SNAI1: variants seen among roughly 807,000 people sequenced by gnomAD.
SNAI1 encodes snail family transcriptional repressor 1.
In SNAI1, 15 loss-of-function variants were observed where a neutral mutation model predicts 24.7. The observed-to-expected ratio is 0.61, with a 90% CI of 0.41 to 0.93. SNAI1 has a LOEUF of 0.93. Ranked by LOEUF, SNAI1 falls within the 40% of genes least tolerant of loss-of-function variation. SNAI1 has a pLI of 0.00. For missense variants in SNAI1, 283 were observed against 336.7 expected (o/e 0.84, Z 1.25); for synonymous variants, 163 against 142.9 (o/e 1.14, Z -1.00).
Position 49,984,340 on chromosome 20 carries a change from G to A in SNAI1, c.599G>A (p.Arg200Gln). Reference sequence around the variant, plus strand: ...CCCTGGCTGCTACAAGGCCATGTCCGGACCCACACTGGTACGTGCCCCTCC... The same window carrying A: ...CCCTGGCTGCTACAAGGCCATGTCCAGACCCACACTGGTACGTGCCCCTCC... ...SRPWLLQGHV[R>Q]THTGEKPFSC... The change falls in exon 2 of 3, where the codon CGG becomes CAG. Residue 200 changes from arginine (R) to glutamine (Q), a missense_variant. Transcript: ENST00000244050. The A allele has an allele frequency of 6.2e-7, 1 of 1,602,948 alleles. No individual in the cohort carries two copies. Among genetic ancestry groups the A allele is most frequent in the Non-Finnish European group, 8.5e-7 (1 of 1,175,332 alleles).
At chr20:49,984,739 C>G (rs2078328695) in intron 2 of SNAI1, among the ~76,000 whole-genome samples, 1 of 152,262 alleles carries the variant, frequency 6.6e-6, no homozygotes, top group African/African-American at 2.4e-5. Context: ...CTGAATCCTT[C>G]TTTGAGAACT....
Position 49,983,685 on chromosome 20 carries a change from G to T in SNAI1, c.83-139G>T, listed in dbSNP as rs544452644. The T allele has an allele frequency of 1.1e-5, 9 of 824,284 alleles. No homozygotes were observed. The South Asian group carries it at 1.7e-4, about 15-fold the overall frequency. The allele number at this position is 824,284 out of a possible 1,614,324, so 51.1% of individuals were successfully genotyped here. On this transcript the variant is annotated intron_variant, in intron 1 of 2. Coordinates refer to ENST00000244050, the MANE Select transcript of SNAI1 (RefSeq NM_005985.4). ...CCTGGGCGAGGAGGGCAGGAACCTG[G>T]TCTGTCCTGTGGATAATTTTTTTGA...
In SNAI1 at chr20:49,983,067, G is replaced by A; in HGVS notation, c.8G>A (p.Arg3His). Residue 3 changes from arginine to histidine, a missense_variant, in exon 1 of 3, where the codon CGC becomes CAC. Physicochemically the swap from Arg to His is conservative, Grantham distance 29. Transcript: ENST00000244050. Reference protein sequence around the residue: MPRSFLVRKPSDP... With the variant: MPHSFLVRKPSDP... ...CCCAGTGCCTCGACCACTATGCCGCGCTCTTTCCTCGTCAGGAAGCCCTCC... is the reference window on the plus strand; with the variant it reads ...CCCAGTGCCTCGACCACTATGCCGCACTCTTTCCTCGTCAGGAAGCCCTCC... The A allele has an allele frequency of 1.2e-6, 2 of 1,613,380 alleles. No individual in the cohort carries two copies. The highest frequency in any genetic ancestry group is 1.7e-6 in the Non-Finnish European group (2 of 1,179,790).
Position 49,983,046 on chromosome 20 carries a change from G to GT in SNAI1, c.-13dup. The GT allele has an allele frequency of 6.2e-7, 1 of 1,610,454 alleles. No homozygotes were observed. Among genetic ancestry groups the GT allele is most frequent in the South Asian group, 1.1e-5 (1 of 90,930 alleles). ...ACTGCTGCGCGAATCGGCGACCCCA[G>GT]TGCCTCGACCACTATGCCGCGCTCT... On this transcript the variant is annotated 5_prime_UTR_variant, in exon 1 of 3. Transcript: ENST00000244050.
Position 49,983,435 on chromosome 20 carries a change from G to A in SNAI1, c.82+294G>A, listed in dbSNP as rs1442707038. ...AAGGAGAGGAGGCCTGTGTCAGGAGGGCCCTCTGGACGCTGCTGGGGAGAG... is the reference window on the plus strand; with the variant it reads ...AAGGAGAGGAGGCCTGTGTCAGGAGAGCCCTCTGGACGCTGCTGGGGAGAG... On this transcript the variant is annotated intron_variant, in intron 1 of 2. Coordinates refer to ENST00000244050, the MANE Select transcript of SNAI1 (RefSeq NM_005985.4). Among the ~76,000 whole-genome samples, 11 of 151,100 alleles carry A rather than the reference G, an allele frequency of 7.3e-5. 1 individual carries two copies. Among genetic ancestry groups the A allele is most frequent in the Admixed American group, 7.3e-4 (11 of 15,148 alleles).
chr20:49,983,042 C>T lies in SNAI1; in HGVS notation c.-18C>T, dbSNP rs761929558. 7.5e-5 allele frequency: 121 copies of T among 1,607,768 alleles called. No individual in the cohort carries two copies. Among genetic ancestry groups the T allele is most frequent in the Non-Finnish European group, 9.4e-5 (111 of 1,175,406 alleles). On this transcript the variant is annotated 5_prime_UTR_variant, in exon 1 of 3. Transcript: ENST00000244050. ...CGCTACTGCTGCGCGAATCGGCGAC[C>T]CCAGTGCCTCGACCACTATGCCGCG...
chr20:49,985,881 G>GTCTGGGGGGCGAGGGATC (rs2078332357), intron 2 of SNAI1, among the ~76,000 whole-genome samples: 1 of 152,246 alleles, frequency 6.6e-6, no homozygotes, highest in Non-Finnish European at 1.5e-5. Flanking sequence ...CCATGAAGGC[G>GTCTGGGGGGCGAGGGATC]TCTGGGGGGC....
intron 2 of SNAI1, 37 bp from the exon 3 acceptor site, chr20:49,987,835 C>G (rs751527363): frequency 6.3e-7 from 1 of 1,588,156 alleles, no homozygotes; most frequent in East Asian, 2.2e-5. Context: ...GCCGTTGTCC[C>G]ACGGCTCACT....
In SNAI1 at chr20:49,988,065, G is replaced by T; in HGVS notation, c.*9G>T. ...CAGGATGTCCCCGCTGACCCTCGAG[G>T]CTCCCTCTTCCTCTCCATACCTGCC... On this transcript the variant is annotated 3_prime_UTR_variant, in exon 3 of 3. Transcript: ENST00000244050. 6.3e-7 allele frequency: 1 copy of T among 1,580,242 alleles called. No homozygotes were observed. The highest frequency in any genetic ancestry group is 1.7e-5 in the Admixed American group (1 of 58,168).
chr20:49,984,297 G>A lies in SNAI1; in HGVS notation c.556G>A (p.Gly186Arg), dbSNP rs1317927184. 3.7e-6 allele frequency: 6 copies of A among 1,613,064 alleles called. No homozygotes were observed. Among genetic ancestry groups the A allele is most frequent in the African/African-American group, 1.3e-5 (1 of 74,910 alleles). ...GCTGCCCTGCGTCTGCGGAACCTGC[G>A]GGAAGGCCTTCTCTAGGCCCTGGCT... ...HTLPCVCGTC[G>R]KAFSRPWLLQ... Residue 186 changes from glycine (G) to arginine (R), a missense_variant, in exon 2 of 3, where the codon GGG becomes AGG. Coordinates refer to ENST00000244050, the MANE Select transcript of SNAI1 (RefSeq NM_005985.4).
At chr20:49,987,742 G>T in intron 2 of SNAI1, 130 bp from the exon 3 acceptor site, 1 of 830,398 alleles carries the variant, frequency 1.2e-6, no homozygotes, top group Non-Finnish European at 1.9e-6. Flanking sequence ...CTGGCTGTGT[G>T]TTTGACGGAG....
Position 49,988,239 on chromosome 20 carries a change from T to A in SNAI1, c.*183T>A. ...ATTTTCTGGTTCTGTGTCCTCTGCCTGGGCTCTGGAAGAGGCCTTCCCATG... is the reference window on the plus strand; with the variant it reads ...ATTTTCTGGTTCTGTGTCCTCTGCCAGGGCTCTGGAAGAGGCCTTCCCATG... On this transcript the variant is annotated 3_prime_UTR_variant, in exon 3 of 3. Coordinates refer to ENST00000244050, the MANE Select transcript of SNAI1 (RefSeq NM_005985.4). 1.7e-6 allele frequency: 1 copy of A among 585,154 alleles called. No homozygotes were observed. 36.2% of individuals were successfully genotyped at this position (585,154 alleles called of 1,614,324 possible). A position where few individuals can be genotyped will look rare whatever the true frequency, so the allele number is the denominator to read the frequency against.
At position 49,988,027 on chromosome 20, in the gene SNAI1, G is replaced by C. The variant is rs1171785260; in HGVS notation, c.766G>C (p.Glu256Gln). 6.2e-7 allele frequency: 1 copy of C among 1,609,984 alleles called. No individual in the cohort carries two copies. Among genetic ancestry groups the C allele is most frequent in the South Asian group, 1.1e-5 (1 of 90,618 alleles). The change falls in exon 3 of 3, where the codon GAG (glutamate) becomes CAG (glutamine). Residue 256 changes from glutamate to glutamine, a missense_variant. Coordinates refer to ENST00000244050, the MANE Select transcript of SNAI1 (RefSeq NM_005985.4). ...SRMSLLHKHQ[E>Q]SGCSGCPR ...AATGTCCCTGCTCCACAAGCACCAAGAGTCCGGCTGCTCAGGATGTCCCCG... is the reference window on the plus strand; with the variant it reads ...AATGTCCCTGCTCCACAAGCACCAACAGTCCGGCTGCTCAGGATGTCCCCG...
chr20:49,987,843 A>C, intron 2 of SNAI1, 29 bp from the exon 3 acceptor site: 2 of 1,610,094 alleles, frequency 1.2e-6, no homozygotes, highest in Non-Finnish European at 1.7e-6. Context: ...CCCACGGCTC[A>C]CTCGGCCTTT....
chr20:49,984,596 G>T (rs1174286557), intron 2 of SNAI1, among the ~76,000 whole-genome samples: 1 of 152,268 alleles, frequency 6.6e-6, no homozygotes, highest in African/African-American at 2.4e-5. Flanking sequence ...ATGGGTCGGA[G>T]CTGGATATGG....
In SNAI1 at chr20:49,984,140, C is replaced by A; in HGVS notation, c.399C>A (p.Gly133=). 6.2e-7 allele frequency: 1 copy of A among 1,614,228 alleles called. No homozygotes were observed. Among genetic ancestry groups the A allele is most frequent in the Non-Finnish European group, 8.5e-7 (1 of 1,180,032 alleles). The change falls in exon 2 of 3, where the codon GGC becomes GGA. Residue 133 remains glycine (G), a synonymous_variant. Coordinates refer to ENST00000244050, the MANE Select transcript of SNAI1 (RefSeq NM_005985.4). ...CCTATGCTGCCTTCCCAGGCTTGGG[C>A]CAAGTGCCCAAGCAGCTGGCCCAGC... ...AEAYAAFPGL[G]QVPKQLAQLS... is the part of the protein sequence containing the mutation.
intron 1 of SNAI1, among the ~76,000 whole-genome samples, chr20:49,983,614 C>T (rs1241034215): frequency 6.6e-6 from 1 of 151,812 alleles, no homozygotes; most frequent in Non-Finnish European, 1.5e-5. Flanking sequence ...AGGAAATGAC[C>T]TCCTTCAACT....
At position 49,983,948 on chromosome 20, in the gene SNAI1, C is replaced by A; in HGVS notation, c.207C>A (p.Ala69=). 6.2e-7 allele frequency: 1 copy of A among 1,613,536 alleles called. No individual in the cohort carries two copies. The highest frequency in any genetic ancestry group is 8.5e-7 in the Non-Finnish European group (1 of 1,179,972). ...GGGACTCTGTCCTGGCGCCCCAAGC[C>A]CAGCCAATTGCCTGGGCCTCCCTTC... ...LIWDSVLAPQ[A]QPIAWASLRL... Residue 69 remains alanine (A), a synonymous_variant, in exon 2 of 3, where the codon GCC becomes GCA. Transcript: ENST00000244050.
intron 2 of SNAI1, 55 bp from the exon 3 acceptor site, chr20:49,987,817 C>T: frequency 6.5e-7 from 1 of 1,532,966 alleles, no homozygotes; most frequent in Non-Finnish European, 9.0e-7. Context: ...GGATTCCCAT[C>T]ACTGCCAGCC....
Sources: gnomAD v4.1 joint callset for allele counts (sites outside exome capture counted in the v4.1 genomes callset) on GRCh38, gnomAD v4.1.1 for gene constraint, MANE v1.5 for transcripts, NCBI Gene and HGNC (gene_info 2026-07-23, HGNC 2026-07-21) for gene names.